GTF2F1: variants seen among roughly 807,000 people sequenced by gnomAD.
GTF2F1 encodes general transcription factor IIF 74 kDa subunit.
A neutral mutation model predicts 63.5 loss-of-function variants in GTF2F1; 39 were observed. That is an observed-to-expected ratio of 0.61 (90% confidence interval 0.48 to 0.80). GTF2F1 has a LOEUF of 0.80. Ranked by LOEUF, GTF2F1 falls within the 30% of genes least tolerant of loss-of-function variation. GTF2F1 has a pLI of 0.00. For missense variants in GTF2F1, 657 were observed against 718.3 expected, an observed-to-expected ratio of 0.91 and a Z score of 0.97; for synonymous variants, 287 against 285.3, an observed-to-expected ratio of 1.01 and a Z score of -0.06.
chr19:6,391,457 T>G (rs1424052013), intron 3 of GTF2F1, among the ~76,000 whole-genome samples: 2 of 142,894 alleles, frequency 1.4e-5, no homozygotes, highest in East Asian at 2.0e-4. Context: ...TTTTTTTTTT[T>G]TTTTTTTTTT....
At chr19:6,382,995 G>A (rs976639900) in intron 6 of GTF2F1, among the ~76,000 whole-genome samples, 7 of 151,878 alleles carry the variant, frequency 4.6e-5, no homozygotes, top group African/African-American at 1.2e-4. Flanking sequence ...TCTATCTCAC[G>A]GGTTCAAGCA....
intron 5 of GTF2F1, among the ~76,000 whole-genome samples, chr19:6,384,648 A>C (rs1301697247): frequency 1.3e-5 from 2 of 149,574 alleles, no homozygotes; most frequent in East Asian, 4.1e-4. Context: ...AAACAGTGAC[A>C]GTTTGGTGCA....
Position 6,381,484 on chromosome 19 carries a change from A to AGGG in GTF2F1, c.899-9_899-7dup. 6.2e-7 allele frequency: 1 copy of AGGG among 1,607,560 alleles called. No homozygotes were observed. Among genetic ancestry groups the AGGG allele is most frequent in the Non-Finnish European group, 8.5e-7 (1 of 1,179,190 alleles). ...GTCGCTCTGCTCATCGACACCTGGGAGGGGCAGGGTATGAGCAAGAGCAGG... is the reference window on the plus strand; with the variant it reads ...GTCGCTCTGCTCATCGACACCTGGGAGGGGGGGCAGGGTATGAGCAAGAGCAGG... On this transcript the variant is annotated splice_polypyrimidine_tract_variant and splice_region_variant and intron_variant, in intron 8 of 12. Coordinates refer to ENST00000394456, the MANE Select transcript of GTF2F1 (RefSeq NM_002096.3). This position sits in a 1 kb window ranked among gnomAD's most constrained non-coding sequence, Gnocchi z 4.1.
At chr19:6,391,511 C>G (rs8102520) in intron 3 of GTF2F1, among the ~76,000 whole-genome samples, 51,276 of 137,286 alleles carry the variant, frequency 0.37, 14,196 homozygotes, top group African/African-American at 0.78. Context: ...GGAGTGCAGT[C>G]GTACAATCAT....
rs1396102532 is a variant in GTF2F1, at chr19:6,381,397, T to C, written c.980A>G (p.Lys327Arg). 6.2e-7 allele frequency: 1 copy of C among 1,611,078 alleles called. No individual in the cohort carries two copies. The highest frequency in any genetic ancestry group is 1.7e-5 in the Admixed American group (1 of 59,842). The stretch of plus-strand genomic sequence containing the variant: ...CTTCTCCTGCGGGGTGGGTGCCTTC[T>C]TCTCCTCCTCCTCCTCCTTGTCCTC... The part of the protein sequence containing the change: ...PEEDKEEEEE[K>R]KAPTPQEKKR... The change falls in exon 9 of 13, where the codon AAG becomes AGG. Residue 327 changes from lysine to arginine, a missense_variant. Transcript: ENST00000394456. This position sits in a 1 kb window ranked among gnomAD's most constrained non-coding sequence, Gnocchi z 4.1.
At chr19:6,387,342 C>A (rs895577702) in intron 5 of GTF2F1, 47 bp downstream of exon 5, 25 of 1,575,698 alleles carry the variant, frequency 1.6e-5, no homozygotes, top group African/African-American at 5.4e-5. Context: ...TGGCAAGGCA[C>A]CCCATTTCCC....
rs775166072 is a variant in GTF2F1 at position 6,380,978 on chromosome 19, C to G, written c.1157G>C (p.Arg386Pro). 4 of 1,605,068 alleles carry G rather than the reference C, an allele frequency of 2.5e-6. No homozygotes were observed. The Admixed American group carries it at 6.8e-5, about 27-fold the overall frequency. ...ACCCTCTGCGCTGGGCGTGCCTGGG[C>G]GGCTGTTGCCCCTTGAGCTCCCTCC... is the stretch of plus-strand genomic sequence containing the variant. ...PSGGSSRGNS[R>P]PGTPSAEGGS... is the part of the protein sequence containing the mutation. Residue 386 changes from arginine (R) to proline (P), a missense_variant, in exon 11 of 13, where the codon CGC (arginine) becomes CCC (proline). Physicochemically the swap from Arg to Pro is moderately radical, Grantham distance 103. Coordinates refer to ENST00000394456, the MANE Select transcript of GTF2F1 (RefSeq NM_002096.3). The surrounding 1 kb of genome is among the most constrained non-coding windows in gnomAD (Gnocchi z 5.3).
chr19:6,390,744 G>A (rs1444207348), intron 3 of GTF2F1, among the ~76,000 whole-genome samples: 1 of 140,616 alleles, frequency 7.1e-6, no homozygotes, highest in Non-Finnish European at 1.6e-5. Context: ...GCTAGGCGTG[G>A]TGGTGGGCGC....
chr19:6,379,622 T>A lies in GTF2F1; in HGVS notation c.*659A>T, dbSNP rs2091938293. ...GACAGAGTCTCACTGTCACCCAGGC[T>A]GGAGTGCAGTGGCGTGGTGTCAGCT... On this transcript the variant is annotated 3_prime_UTR_variant, in exon 13 of 13. Transcript: ENST00000394456. The A allele has an allele frequency of 6.5e-6, 1 of 152,936 alleles. No individual in the cohort carries two copies. Among genetic ancestry groups the A allele is most frequent in the Non-Finnish European group, 1.5e-5 (1 of 68,628 alleles). 9.5% of individuals were successfully genotyped at this position (152,936 alleles called of 1,614,324 possible).
In GTF2F1 at chr19:6,381,988, G is replaced by T; in HGVS notation, c.683-138C>A. 1 of 690,380 alleles carries T rather than the reference G, an allele frequency of 1.4e-6. No homozygotes were observed. The highest frequency in any genetic ancestry group is 2.8e-5 in the Admixed American group (1 of 36,292). The allele number at this position is 690,380 out of a possible 1,614,324, so 42.8% of individuals were successfully genotyped here. A position where few individuals can be genotyped will look rare whatever the true frequency, so the allele number is the denominator to read the frequency against. Reference sequence around the variant, plus strand: ...TGGGGAGACTACACCTCCAGGGCCAGCCCAGGAGCTCAGCTCTCCTAAACA... The same window carrying T: ...TGGGGAGACTACACCTCCAGGGCCATCCCAGGAGCTCAGCTCTCCTAAACA... On this transcript the variant is annotated intron_variant, in intron 6 of 12. Coordinates refer to ENST00000394456, the MANE Select transcript of GTF2F1 (RefSeq NM_002096.3). This position sits in a 1 kb window ranked among gnomAD's most constrained non-coding sequence, Gnocchi z 4.1.
rs2091948565 is a variant in GTF2F1 at position 6,381,262 on chromosome 19, A to G, written c.1019-67T>C. ...GGACCCGGTGCCCACTGGTGCCTCC[A>G]CTGCAGATGAGGGAGGCCTGCAGGG... On this transcript the variant is annotated intron_variant, in intron 9 of 12. Coordinates refer to ENST00000394456, the MANE Select transcript of GTF2F1 (RefSeq NM_002096.3). This position sits in a 1 kb window ranked among gnomAD's most constrained non-coding sequence, Gnocchi z 4.1. 1.3e-6 allele frequency: 2 copies of G among 1,557,258 alleles called. No homozygotes were observed. Among genetic ancestry groups the G allele is most frequent in the Non-Finnish European group, 1.7e-6 (2 of 1,150,330 alleles).
rs199893553 is a variant in GTF2F1 at position 6,380,361 on chromosome 19, C to A, written c.1474G>T (p.Val492Leu). ...AGTCGCTTGAGGATCTGGGCCAACA[C>A]GTTCACTGTCTGCTCGCTGCTCAGC... ...TGLSSEQTVNVLAQILKRLNP... is the reference protein window; with the variant it reads ...TGLSSEQTVNLLAQILKRLNP... Residue 492 changes from valine to leucine, a missense_variant, in exon 13 of 13, where the codon GTG becomes TTG. Transcript: ENST00000394456. This position sits in a 1 kb window ranked among gnomAD's most constrained non-coding sequence, Gnocchi z 5.3. 15 of 1,614,038 alleles carry A rather than the reference C, an allele frequency of 9.3e-6. No homozygotes were observed. Among genetic ancestry groups the A allele is most frequent in the African/African-American group, 1.3e-5 (1 of 74,918 alleles).
At chr19:6,382,063 A>G (rs1171550520) in intron 6 of GTF2F1, among the ~76,000 whole-genome samples, 1 of 151,892 alleles carries the variant, frequency 6.6e-6, no homozygotes, top group East Asian at 1.9e-4. Flanking sequence ...GCGCTCACAG[A>G]CCACTCCCCC....
At chr19:6,388,823 CTA>C (rs2091983993) in intron 4 of GTF2F1, among the ~76,000 whole-genome samples, 1 of 152,140 alleles carries the variant, frequency 6.6e-6, no homozygotes, top group Admixed American at 6.6e-5. Flanking sequence ...TGGGGCGTGC[CTA>C]TAGTCCCAGC....
At position 6,381,779 on chromosome 19, in the gene GTF2F1, C is replaced by T; in HGVS notation, c.754G>A (p.Gly252Ser). 6.2e-7 allele frequency: 1 copy of T among 1,613,708 alleles called. No homozygotes were observed. Among genetic ancestry groups the T allele is most frequent in the South Asian group, 1.1e-5 (1 of 91,068 alleles). ...TCCTCGAAGGCCTCGTCGTCTGAACCCTTCTTCTTCTTCTTTTTCCTGCCG... is the reference window on the plus strand; with the variant it reads ...TCCTCGAAGGCCTCGTCGTCTGAACTCTTCTTCTTCTTCTTTTTCCTGCCG... ...KGGRKKKKKK[G>S]SDDEAFEDSD... Residue 252 changes from glycine (G) to serine (S), a missense_variant, in exon 7 of 13, where the codon GGT (glycine) becomes AGT (serine). Gly to Ser is a moderately conservative substitution (Grantham distance 56). Around this residue, in one of 2 missense-constraint regions of GTF2F1, gnomAD observed 602 missense variants for 625.6 expected, o/e 0.96. Coordinates refer to ENST00000394456, the MANE Select transcript of GTF2F1 (RefSeq NM_002096.3). This position sits in a 1 kb window ranked among gnomAD's most constrained non-coding sequence, Gnocchi z 4.1.
rs149599017 is a variant in GTF2F1 at position 6,380,339 on chromosome 19, C to T, written c.1496G>A (p.Arg499Gln). The change falls in exon 13 of 13, where the codon CGA becomes CAA. Residue 499 changes from arginine (R) to glutamine (Q), a missense_variant. Transcript: ENST00000394456. This position sits in a 1 kb window ranked among gnomAD's most constrained non-coding sequence, Gnocchi z 5.3. ...GATCATCTTGCGCTCGGGGTTGAGT[C>T]GCTTGAGGATCTGGGCCAACACGTT... ...TVNVLAQILK[R>Q]LNPERKMIND... 1.2e-5 allele frequency: 20 copies of T among 1,614,100 alleles called. No individual in the cohort carries two copies. Among genetic ancestry groups the T allele is most frequent in the African/African-American group, 2.7e-5 (2 of 75,012 alleles).
intron 3 of GTF2F1, among the ~76,000 whole-genome samples, chr19:6,391,675 A>G (rs983604574): frequency 1.4e-4 from 21 of 150,952 alleles, no homozygotes; most frequent in Non-Finnish European, 3.0e-5. Context: ...CTGGTCTCAA[A>G]CTCCTGGCCT....
At chr19:6,389,012 C>T (rs1329145100) in intron 4 of GTF2F1, among the ~76,000 whole-genome samples, 1 of 151,978 alleles carries the variant, frequency 6.6e-6, no homozygotes, top group Non-Finnish European at 1.5e-5. Context: ...GAGGCCGAGG[C>T]GGGAGGATCG....
Position 6,381,653 on chromosome 19 carries a change from G to A in GTF2F1, c.837-38C>T, listed in dbSNP as rs776663368. 11 of 1,613,904 alleles carry A rather than the reference G, an allele frequency of 6.8e-6. No individual in the cohort carries two copies. The highest frequency in any genetic ancestry group is 5.3e-5 in the African/African-American group (4 of 74,936). ...GATGGCAAAGGATGAGCGCGCGCTC[G>A]CGAGGCTGCATGGGGTCTCGCAGGC... is the stretch of plus-strand genomic sequence containing the variant. On this transcript the variant is annotated intron_variant, in intron 7 of 12. Transcript: ENST00000394456. This position sits in a 1 kb window ranked among gnomAD's most constrained non-coding sequence, Gnocchi z 4.1.
Sources: gnomAD v4.1 joint callset for allele counts (sites outside exome capture counted in the v4.1 genomes callset) on GRCh38, gnomAD v4.1.1 for gene constraint, gnomAD v4.1.1 regional missense constraint, Gnocchi (gnomAD v3.1) non-coding constraint, MANE v1.5 for transcripts, NCBI Gene and HGNC (gene_info 2026-07-23, HGNC 2026-07-21) for gene names.